Variants in ZNF141 observed in about 807,000 individuals in gnomAD.
ZNF141 encodes zinc finger protein 141.
In ZNF141, 7 loss-of-function variants were observed where a neutral mutation model predicts 11.3. The observed-to-expected ratio is 0.62, with a 90% CI of 0.35 to 1.16. The LOEUF is 1.16. Ranked by LOEUF, ZNF141 falls within the 50% of genes most tolerant of loss-of-function variation. The pLI, the probability that ZNF141 is intolerant of heterozygous loss-of-function variation, is 0.02. For synonymous variants in ZNF141, 183 were observed against 190.7 expected (o/e 0.96, Z 0.33); for missense variants, 535 against 554.0 (o/e 0.97, Z 0.34).
At chr4:369,854 C>T (rs1354378686) in intron 3 of ZNF141, among the ~76,000 whole-genome samples, 1 of 145,584 alleles carries the variant, frequency 6.9e-6, no homozygotes, top group Admixed American at 7.0e-5. Flanking sequence ...GCAACTTCTG[C>T]CTCTTGGGTT....
chr4:361,866 G>C (rs2108713209), intron 3 of ZNF141, among the ~76,000 whole-genome samples: 1 of 152,254 alleles, frequency 6.6e-6, no homozygotes, highest in East Asian at 1.9e-4. Flanking sequence ...ATAGCAGCAT[G>C]ATTTATAGTC....
intron 3 of ZNF141, among the ~76,000 whole-genome samples, chr4:351,963 T>G (rs1721625038): frequency 6.6e-6 from 1 of 152,084 alleles, no homozygotes; most frequent in Non-Finnish European, 1.5e-5. Flanking sequence ...TAAATTTTGA[T>G]GTAGGTAAGA....
chr4:369,954 A>T (rs1220629757), intron 3 of ZNF141, among the ~76,000 whole-genome samples: 1 of 150,566 alleles, frequency 6.6e-6, no homozygotes, highest in Non-Finnish European at 1.5e-5. Flanking sequence ...TTTAGTAGAG[A>T]CGGGGTTTCA....
Position 383,248 on chromosome 4 carries a change from A to G in ZNF141, c.*9386A>G, listed in dbSNP as rs1303170044. On this transcript the variant is annotated 3_prime_UTR_variant, in exon 4 of 4. Transcript: ENST00000240499. ...TAACCACTCACACCTGAAGGAGCCA[A>G]ACTGAGCCCAGAAGAATGGCCCGGC... is the stretch of plus-strand genomic sequence containing the variant. 14 of 663,424 alleles carry G rather than the reference A, an allele frequency of 2.1e-5. No homozygotes were observed. Among genetic ancestry groups the G allele is most frequent in the Non-Finnish European group, 3.8e-5 (14 of 369,814 alleles). 41.1% of individuals were successfully genotyped at this position (663,424 alleles called of 1,614,324 possible).
At chr4:346,878 T>TACACAC (rs377666294) in intron 3 of ZNF141, among the ~76,000 whole-genome samples, 32 of 120,286 alleles carry the variant, frequency 2.7e-4, no homozygotes, top group African/African-American at 8.5e-4. Context: ...TATATATGTA[T>TACACAC]ACACACACAC....
chr4:338,067 C>G (rs893457817), intron 1 of ZNF141, 81 bp downstream of exon 1: 5 of 1,584,412 alleles, frequency 3.2e-6, no homozygotes, highest in African/African-American at 1.3e-5. Context: ...ACCGAGTCTG[C>G]GAACGGAGTC....
chr4:337,963 G>T lies in ZNF141; in HGVS notation c.-21G>T. The T allele has an allele frequency of 1.2e-6, 2 of 1,612,868 alleles. No individual in the cohort carries two copies. The highest frequency in any genetic ancestry group is 2.2e-5 in the East Asian group (1 of 44,822). ...TGGATGATTGGTAGCTAAGACTCCC[G>T]AATACTTCAGAAGTGGGGAAATGGT... On this transcript the variant is annotated 5_prime_UTR_variant, in exon 1 of 4. Coordinates refer to ENST00000240499, the MANE Select transcript of ZNF141 (RefSeq NM_003441.4).
Position 374,450 on chromosome 4 carries a change from A to G in ZNF141, c.*588A>G, listed in dbSNP as rs1297330243. The G allele has an allele frequency of 5.8e-6, 2 of 346,344 alleles. No homozygotes were observed. Among genetic ancestry groups the G allele is most frequent in the Non-Finnish European group, 1.2e-5 (2 of 169,388 alleles). The allele number at this position is 346,344 out of a possible 1,614,324, so 21.5% of individuals were successfully genotyped here. Reference sequence around the variant, plus strand: ...ATAAGAGAATTTATACCAGAGAGAAACCCTACACATGTAAAGAATGTGGCA... The same window carrying G: ...ATAAGAGAATTTATACCAGAGAGAAGCCCTACACATGTAAAGAATGTGGCA... On this transcript the variant is annotated 3_prime_UTR_variant, in exon 4 of 4. Transcript: ENST00000240499.
intron 1 of ZNF141, 169 bp downstream of exon 1, chr4:338,155 G>A: frequency 1.3e-6 from 1 of 795,670 alleles, no homozygotes; most frequent in Non-Finnish European, 1.9e-6. Context: ...CCCGCACAGC[G>A]GCTCTGGCCC....
intron 3 of ZNF141, among the ~76,000 whole-genome samples, chr4:346,967 A>G (rs1721356160): frequency 6.7e-6 from 1 of 148,912 alleles, no homozygotes; most frequent in South Asian, 2.1e-4. Context: ...TCTTTGAGGT[A>G]CTAATTTTAT....
At chr4:365,421 T>C (rs1442540504) in intron 3 of ZNF141, among the ~76,000 whole-genome samples, 1 of 152,320 alleles carries the variant, frequency 6.6e-6, no homozygotes, top group East Asian at 1.9e-4. Flanking sequence ...TTTACGTCAG[T>C]CACGCTGTGA....
intron 3 of ZNF141, among the ~76,000 whole-genome samples, chr4:366,099 A>G (rs1391987126): frequency 6.6e-6 from 1 of 151,964 alleles, no homozygotes; most frequent in Non-Finnish European, 1.5e-5. Context: ...GCCCAGGATT[A>G]CCTTTGCTAT....
At chr4:371,228 T>A (rs1346005936) in intron 3 of ZNF141, among the ~76,000 whole-genome samples, 1 of 151,246 alleles carries the variant, frequency 6.6e-6, no homozygotes, top group Non-Finnish European at 1.5e-5. Flanking sequence ...TTAATTTTTG[T>A]TCTGGAATTT....
chr4:339,394 T>C (rs1553848073), intron 1 of ZNF141, among the ~76,000 whole-genome samples: 2 of 152,224 alleles, frequency 1.3e-5, no homozygotes, highest in African/African-American at 2.4e-5. Flanking sequence ...TTGCCCCCAC[T>C]CAAGGCTCTT....
At chr4:364,940 G>T (rs182311548) in intron 3 of ZNF141, among the ~76,000 whole-genome samples, 1 of 152,248 alleles carries the variant, frequency 6.6e-6, no homozygotes, top group African/African-American at 2.4e-5. Flanking sequence ...CCCAGAGGTG[G>T]AATCTACAGA....
At chr4:361,357 T>G (rs1386873814) in intron 3 of ZNF141, among the ~76,000 whole-genome samples, 2 of 151,958 alleles carry the variant, frequency 1.3e-5, no homozygotes, top group Non-Finnish European at 1.5e-5. Context: ...TCAGGCTTTG[T>G]TTTTGTAAGA....
intron 3 of ZNF141, chr4:358,262 A>G (rs1553851534): frequency 2.6e-6 from 1 of 377,592 alleles, no homozygotes; most frequent in East Asian, 9.7e-5. Flanking sequence ...ATCTTGGCTG[A>G]CTGCAACCTC....
Position 372,629 on chromosome 4 carries a change from T to C in ZNF141, c.227-35T>C, listed in dbSNP as rs116149406. On this transcript the variant is annotated intron_variant, in intron 3 of 3. Coordinates refer to ENST00000240499, the MANE Select transcript of ZNF141 (RefSeq NM_003441.4). The stretch of plus-strand genomic sequence containing the variant: ...GTAAAGTATATTTATATGAATCTAC[T>C]AAGTGGGATAATTTGTAATTTTTAT... 3.7e-3 allele frequency: 5,392 copies of C among 1,441,136 alleles called. 188 individuals are homozygous for C. In the South Asian group the frequency reaches 0.062, roughly 17 times the overall value. The allele number at this position is 1,441,136 out of a possible 1,614,324, so 89.3% of individuals were successfully genotyped here.
chr4:339,477 T>C lies in ZNF141; in HGVS notation c.3+1491T>C, dbSNP rs146794035. ...TGTGCACACAGTTTGCTCAAGTGCA[T>C]CCCTCATGTGCTACAAGAATTCAAC... On this transcript the variant is annotated intron_variant, in intron 1 of 3. Transcript: ENST00000240499. Among the ~76,000 whole-genome samples the C allele has an allele frequency of 5.9e-4, 85 of 143,284 alleles. 2 individuals carry two copies. The East Asian group carries it at 0.015, about 25-fold the overall frequency. The allele number at this position is 143,284 out of a possible 152,430, so 94.0% of individuals were successfully genotyped here.
Sources: gnomAD v4.1 joint callset for allele counts (sites outside exome capture counted in the v4.1 genomes callset) on GRCh38, gnomAD v4.1.1 for gene constraint, MANE v1.5 for transcripts, NCBI Gene and HGNC (gene_info 2026-07-23, HGNC 2026-07-21) for gene names.